The following DLG2 variants were observed in gnomAD, a reference collection of about 807,000 sequenced individuals.
DLG2 encodes the protein disks large homolog 2.
DLG2 carries 45 observed loss-of-function variants against 132.5 expected under a neutral mutation model. The ratio of observed to expected loss-of-function variants is 0.34; its 90% CI spans 0.27 to 0.44. The LOEUF is 0.44. Ranked by LOEUF, DLG2 falls within the 20% of genes least tolerant of loss-of-function variation. DLG2 has a pLI of 1.00. For synonymous variants in DLG2, 424 were observed against 419.6 expected (o/e 1.01, Z -0.13); for missense variants, 1,045 against 1,196.9 (o/e 0.87, Z 1.87).
chr11:85,185,423 A>T (rs1363989467), intron 4 of DLG2, among the ~76,000 whole-genome samples: 1 of 151,976 alleles, frequency 6.6e-6, no homozygotes, highest in Admixed American at 6.6e-5. Flanking sequence ...TAATTTATGC[A>T]CGCACACTTT....
At chr11:85,514,025 C>A (rs2094128066) in intron 3 of DLG2, among the ~76,000 whole-genome samples, 1 of 151,946 alleles carries the variant, frequency 6.6e-6, no homozygotes, top group Non-Finnish European at 1.5e-5. Context: ...GTTTTTCCAA[C>A]TACTAGTTCC....
At chr11:84,929,094 T>G (rs966662710) in intron 6 of DLG2, among the ~76,000 whole-genome samples, 1 of 147,318 alleles carries the variant, frequency 6.8e-6, no homozygotes, top group African/African-American at 2.5e-5. Context: ...CCCATTTGAT[T>G]TTTGATCCTT....
intron 14 of DLG2, among the ~76,000 whole-genome samples, chr11:83,932,175 C>T (rs200828658): frequency 7.2e-6 from 1 of 139,010 alleles, no homozygotes; most frequent in Non-Finnish European, 1.6e-5. Flanking sequence ...CAAACAACAA[C>T]ATTAAAAATA....
At chr11:84,993,311 T>C (rs1395345017) in intron 6 of DLG2, among the ~76,000 whole-genome samples, 2 of 152,062 alleles carry the variant, frequency 1.3e-5, no homozygotes, top group African/African-American at 2.4e-5. Context: ...ACCTAATGCA[T>C]GCAGGCCTTA....
chr11:85,105,136 G>A (rs904473216), intron 6 of DLG2, among the ~76,000 whole-genome samples: 3 of 151,758 alleles, frequency 2.0e-5, no homozygotes, highest in Non-Finnish European at 4.4e-5. Flanking sequence ...CTTTGCTCAG[G>A]GCATGCTGAA....
In DLG2 at chr11:84,382,596, G is replaced by A. The variant is rs189594127; in HGVS notation, c.520-131305C>T. Among the ~76,000 whole-genome samples the A allele has an allele frequency of 2.0e-5, 3 of 152,248 alleles. No homozygotes were observed. In the East Asian group the frequency reaches 5.8e-4, roughly 29 times the overall value. On this transcript the variant is annotated intron_variant, in intron 7 of 27. Coordinates refer to ENST00000376104, the MANE Select transcript of DLG2 (RefSeq NM_001142699.3). ...CAAGCCTATGCCAGGCTGTAGATGA[G>A]AGTATTTGTCTCAGAAGTTTTGTTT...
chr11:84,036,507 G>T (rs555104676), intron 11 of DLG2, among the ~76,000 whole-genome samples: 2 of 152,130 alleles, frequency 1.3e-5, no homozygotes, highest in Non-Finnish European at 2.9e-5. Context: ...TTAACTCAAA[G>T]GCATCATGAA....
chr11:83,627,339 C>T (rs2062729105), intron 19 of DLG2, among the ~76,000 whole-genome samples: 1 of 152,048 alleles, frequency 6.6e-6, no homozygotes, highest in Non-Finnish European at 1.5e-5. Context: ...GGTATATCTC[C>T]TAATGCTATC....
intron 9 of DLG2, among the ~76,000 whole-genome samples, chr11:84,153,201 A>G (rs1247850121): frequency 6.6e-6 from 1 of 152,166 alleles, no homozygotes; most frequent in Non-Finnish European, 1.5e-5. Context: ...TTCTGCTGAG[A>G]AGTCTGCTGT....
In DLG2 at chr11:84,440,630, T is replaced by A. The variant is rs534150073; in HGVS notation, c.519+93940A>T. 1.6e-3 allele frequency among the ~76,000 whole-genome samples: 245 copies of A among 152,320 alleles called. 1 individual carries two copies. Among genetic ancestry groups the A allele is most frequent in the African/African-American group, 5.6e-3 (233 of 41,578 alleles). ...TAAGTAAAACAAATTTTTCAGACAT[T>A]TTCCATCTGTATATAATCAGTACCT... is the stretch of plus-strand genomic sequence containing the variant. On this transcript the variant is annotated intron_variant, in intron 7 of 27. Coordinates refer to ENST00000376104, the MANE Select transcript of DLG2 (RefSeq NM_001142699.3).
At chr11:84,998,330 C>A (rs1441869257) in intron 6 of DLG2, among the ~76,000 whole-genome samples, 1 of 152,050 alleles carries the variant, frequency 6.6e-6, no homozygotes, top group African/African-American at 2.4e-5. Context: ...ATCTGATGAT[C>A]TTATAAGCAT....
chr11:83,912,359 G>A (rs1001639938), intron 15 of DLG2, among the ~76,000 whole-genome samples: 4 of 152,012 alleles, frequency 2.6e-5, no homozygotes, highest in Non-Finnish European at 4.4e-5. Flanking sequence ...GCAAAACCTA[G>A]ATCCAAGGGC....
intron 9 of DLG2, among the ~76,000 whole-genome samples, chr11:84,107,232 A>G (rs1041669747): frequency 2.0e-5 from 3 of 151,970 alleles, no homozygotes; most frequent in African/African-American, 4.8e-5. Flanking sequence ...CCCAGAGTTC[A>G]GACTCTTTGA....
chr11:83,810,621 G>A (rs113235481), intron 17 of DLG2, among the ~76,000 whole-genome samples: 28 of 152,076 alleles, frequency 1.8e-4, no homozygotes, highest in African/African-American at 6.0e-4. Flanking sequence ...TATTCCATTC[G>A]GAGTTATGAT....
At chr11:84,039,839 G>A (rs1380297914) in intron 11 of DLG2, among the ~76,000 whole-genome samples, 2 of 146,870 alleles carry the variant, frequency 1.4e-5, no homozygotes, top group Non-Finnish European at 3.0e-5. Flanking sequence ...CCCACCAACA[G>A]TGTATAAGTG....
intron 6 of DLG2, among the ~76,000 whole-genome samples, chr11:85,070,424 T>C (rs185460046): frequency 6.6e-5 from 10 of 151,788 alleles, no homozygotes; most frequent in Admixed American, 3.3e-4. Flanking sequence ...CAGTAGATAA[T>C]TGGAGAAAGA....
chr11:84,184,487 T>C (rs1249377149), intron 8 of DLG2, among the ~76,000 whole-genome samples: 5 of 151,844 alleles, frequency 3.3e-5, no homozygotes, highest in Admixed American at 6.6e-5. Flanking sequence ...GTCAGATGAG[T>C]AGATTGCAAA....
chr11:84,589,360 AC>A (rs2099537475), intron 6 of DLG2, among the ~76,000 whole-genome samples: 1 of 152,114 alleles, frequency 6.6e-6, no homozygotes, highest in Admixed American at 6.5e-5. Flanking sequence ...AAGGCATGAG[AC>A]CATAGAGTTT....
intron 18 of DLG2, among the ~76,000 whole-genome samples, chr11:83,710,716 T>C (rs934630301): frequency 1.3e-5 from 2 of 152,206 alleles, no homozygotes; most frequent in Non-Finnish European, 2.9e-5. Context: ...GAGAGACATT[T>C]AGGGTTTAGT....
Sources: allele counts gnomAD v4.1 joint callset (sites outside exome capture counted in the v4.1 genomes callset), GRCh38; gene constraint gnomAD v4.1.1; transcripts MANE v1.5; gene names NCBI Gene and HGNC (gene_info 2026-07-23, HGNC 2026-07-21).